PPP2R5A: variants seen among roughly 807,000 people sequenced by gnomAD.
PPP2R5A encodes the protein protein phosphatase 2 regulatory subunit B'alpha, also known as serine/threonine-protein phosphatase 2A 56 kDa regulatory subunit alpha isoform.
Under a neutral mutation model 64.2 loss-of-function variants are expected in PPP2R5A, and 25 were observed. The observed-to-expected ratio is 0.39, with a 90% CI of 0.28 to 0.54. The LOEUF is 0.54. Among genes scored for constraint, PPP2R5A ranks in the 20% least tolerant of loss-of-function variants. PPP2R5A has a pLI of 0.67. For missense variants in PPP2R5A, 425 were observed against 576.3 expected (o/e 0.74, Z 2.69); for synonymous variants, 198 against 201.2 (o/e 0.98, Z 0.13).
At chr1:212,301,859 C>G in intron 1 of PPP2R5A, 1 of 1,296,234 alleles carries the variant, frequency 7.7e-7, no homozygotes, top group Non-Finnish European at 9.8e-7. Context: ...TGAGATCTTA[C>G]TTTAGATTTC....
chr1:212,341,236 T>A (rs1659680158), intron 3 of PPP2R5A, among the ~76,000 whole-genome samples: 1 of 152,228 alleles, frequency 6.6e-6, no homozygotes, highest in Non-Finnish European at 1.5e-5. Context: ...CTTGGCACTT[T>A]TATAGAAGGC....
At chr1:212,315,654 T>C (rs550013756) in intron 1 of PPP2R5A, among the ~76,000 whole-genome samples, 1 of 152,376 alleles carries the variant, frequency 6.6e-6, no homozygotes, top group East Asian at 1.9e-4. Flanking sequence ...TAGATTTTAT[T>C]ATTTCTCTGA....
intron 1 of PPP2R5A, among the ~76,000 whole-genome samples, chr1:212,293,307 A>G (rs549044401): frequency 2.6e-5 from 4 of 152,368 alleles, no homozygotes; most frequent in Admixed American, 2.6e-4. Flanking sequence ...TGACTCCTAG[A>G]CATGGACATG....
intron 2 of PPP2R5A, chr1:212,331,736 A>C (rs1659509361): frequency 6.6e-6 from 1 of 152,226 alleles, no homozygotes; most frequent in South Asian, 2.1e-4. Flanking sequence ...TGAAAGTCTC[A>C]AATATTTGAG....
chr1:212,309,171 G>C (rs1667589360), intron 1 of PPP2R5A: 3 of 1,311,890 alleles, frequency 2.3e-6, no homozygotes, highest in Non-Finnish European at 3.3e-6. Context: ...TGGTGTCATA[G>C]AGCTTCTTCA....
In PPP2R5A at chr1:212,349,252, C is replaced by A. The variant is rs1044568109; in HGVS notation, c.927+10C>A. 1.1e-5 allele frequency: 17 copies of A among 1,551,906 alleles called. No individual in the cohort carries two copies. In the African/African-American group the frequency reaches 2.2e-4, roughly 20 times the overall value. ...AACACTAACAGAGCCAGTAAGTGTT[C>A]TATTTATTTTCATGTTTTTGGTCTG... On this transcript the variant is annotated intron_variant, in intron 8 of 12. Transcript: ENST00000261461.
At chr1:212,335,826 T>TA (rs1263340492) in intron 3 of PPP2R5A, among the ~76,000 whole-genome samples, 1 of 152,242 alleles carries the variant, frequency 6.6e-6, no homozygotes, top group East Asian at 1.9e-4. Flanking sequence ...GATAAGTTGA[T>TA]AAGCTGATAA....
intron 1 of PPP2R5A, among the ~76,000 whole-genome samples, chr1:212,315,548 T>C (rs1009801774): frequency 6.6e-6 from 1 of 152,228 alleles, no homozygotes; most frequent in African/African-American, 2.4e-5. Context: ...TTTGCAACAT[T>C]TTCCTAAAGA....
chr1:212,329,254 CTGAA>C lies in PPP2R5A; in HGVS notation c.306_309del (p.Glu103TrpfsTer11). On this transcript the variant is annotated frameshift_variant, in exon 2 of 13. Coordinates refer to ENST00000261461, the MANE Select transcript of PPP2R5A (RefSeq NM_006243.4). LOFTEE classifies it high-confidence loss of function. ...GAGCAAAGAAATTAAAAGAGCAACA[CTGAA>C]TGAACTGGTTGAGTATGTTTCAACT... 6.2e-7 allele frequency: 1 copy of C among 1,612,886 alleles called. No homozygotes were observed. The highest frequency in any genetic ancestry group is 8.5e-7 in the Non-Finnish European group (1 of 1,179,662).
intron 8 of PPP2R5A, 88 bp downstream of exon 8, chr1:212,349,330 G>A: frequency 1.1e-6 from 1 of 937,572 alleles, no homozygotes; most frequent in Non-Finnish European, 1.5e-6. Flanking sequence ...TAGTTATTAA[G>A]TAGAATAATG....
intron 8 of PPP2R5A, among the ~76,000 whole-genome samples, chr1:212,354,282 C>G (rs1659939841): frequency 1.3e-5 from 2 of 152,130 alleles, no homozygotes; most frequent in African/African-American, 2.4e-5. Context: ...ACTTGGGAGG[C>G]TGGGGTAGGG....
intron 5 of PPP2R5A, among the ~76,000 whole-genome samples, chr1:212,346,541 A>G (rs1041607021): frequency 6.6e-6 from 1 of 152,158 alleles, no homozygotes; most frequent in African/African-American, 2.4e-5. Flanking sequence ...ATGCTGTGCA[A>G]ATAGATGTTA....
At chr1:212,297,244 C>T (rs1227942433) in intron 1 of PPP2R5A, among the ~76,000 whole-genome samples, 1 of 151,074 alleles carries the variant, frequency 6.6e-6, no homozygotes, top group African/African-American at 2.4e-5. Flanking sequence ...GCCTCAGCCT[C>T]CCGAGTAGCT....
intron 2 of PPP2R5A, among the ~76,000 whole-genome samples, chr1:212,330,130 C>T (rs1406373850): frequency 6.6e-6 from 1 of 152,084 alleles, no homozygotes; most frequent in Non-Finnish European, 1.5e-5. Context: ...GTTTAGGATG[C>T]TTGCTGTTTA....
At chr1:212,291,747 C>T (rs908191774) in intron 1 of PPP2R5A, among the ~76,000 whole-genome samples, 11 of 152,276 alleles carry the variant, frequency 7.2e-5, no homozygotes, top group Non-Finnish European at 1.6e-4. Context: ...CCATTAGATT[C>T]TGGAGTTTAG....
intron 8 of PPP2R5A, among the ~76,000 whole-genome samples, chr1:212,351,045 G>A (rs1005842837): frequency 6.0e-5 from 9 of 150,744 alleles, no homozygotes; most frequent in African/African-American, 1.9e-4. Flanking sequence ...TAGGGAGGCC[G>A]AGGCACAAGA....
At chr1:212,306,479 T>G (rs1185718281) in intron 1 of PPP2R5A, among the ~76,000 whole-genome samples, 1 of 152,216 alleles carries the variant, frequency 6.6e-6, no homozygotes, top group Non-Finnish European at 1.5e-5. Context: ...GTTTGATATA[T>G]ATATCTATTT....
chr1:212,294,133 C>T (rs768823485), intron 1 of PPP2R5A, among the ~76,000 whole-genome samples: 6 of 151,730 alleles, frequency 4.0e-5, no homozygotes, highest in African/African-American at 1.2e-4. Flanking sequence ...TTCAGCAGAA[C>T]GCAGATTTTA....
At position 212,342,371 on chromosome 1, in the gene PPP2R5A, T is replaced by G; in HGVS notation, c.573+91T>G. 2.1e-6 allele frequency: 3 copies of G among 1,442,686 alleles called. No individual in the cohort carries two copies. The South Asian group carries it at 4.3e-5, about 21-fold the overall frequency. 89.4% of individuals were successfully genotyped at this position (1,442,686 alleles called of 1,614,324 possible). ...TAAAATAGTGTAGTCTTTCAAAACT[T>G]TAATGGTTTAATTTGACAGCACTTA... On this transcript the variant is annotated intron_variant, in intron 4 of 12. Transcript: ENST00000261461.
Sources: allele counts gnomAD v4.1 joint callset (sites outside exome capture counted in the v4.1 genomes callset), GRCh38; gene constraint gnomAD v4.1.1; transcripts MANE v1.5; gene names NCBI Gene and HGNC (gene_info 2026-07-23, HGNC 2026-07-21).